The following PCDHGA8 variants were observed in gnomAD, a reference collection of about 807,000 sequenced individuals.
PCDHGA8 encodes protocadherin gamma-A8.
PCDHGA8 carries 45 observed loss-of-function variants against 59.2 expected under a neutral mutation model. The ratio of observed to expected loss-of-function variants is 0.76; its 90% CI spans 0.60 to 0.98. The LOEUF (loss-of-function observed/expected upper bound fraction) is 0.98. Among genes scored for constraint, PCDHGA8 ranks in the 50% least tolerant of loss-of-function variants. The probability of loss-of-function intolerance (pLI) is 0.00; values close to 1 mark genes in which losing one functional copy is unlikely to be tolerated. For synonymous variants in PCDHGA8, 531 were observed against 519.0 expected (o/e 1.02, Z -0.32); for missense variants, 1,257 against 1,196.2 (o/e 1.05, Z -0.75).
chr5:141,437,715 C>T (rs2097903335), intron 1 of PCDHGA8, among the ~76,000 whole-genome samples: 1 of 151,772 alleles, frequency 6.6e-6, no homozygotes, highest in Non-Finnish European at 1.5e-5. Context: ...ACACAGTTAC[C>T]CTCTAATGTT....
At position 141,491,828 on chromosome 5, in the gene PCDHGA8, G is replaced by C. The variant is rs1389234164; in HGVS notation, c.2425-2979G>C. ...CTTGGTCGCTGGCTGCGCTCCACCC[G>C]ATTCTCGGGATCATTGGACCGTTTG... On this transcript the variant is annotated intron_variant, in intron 1 of 3. Coordinates refer to ENST00000398604, the MANE Select transcript of PCDHGA8 (RefSeq NM_032088.2). The surrounding 1 kb of genome is among the most constrained non-coding windows in gnomAD (Gnocchi z 6.9). 4.1e-6 allele frequency: 6 copies of C among 1,475,668 alleles called. No homozygotes were observed. The highest frequency in any genetic ancestry group is 5.4e-6 in the Non-Finnish European group (6 of 1,113,522). 91.4% of individuals were successfully genotyped at this position (1,475,668 alleles called of 1,614,324 possible).
intron 1 of PCDHGA8, chr5:141,408,159 C>T (rs1408291996): frequency 3.9e-5 from 59 of 1,516,228 alleles, no homozygotes; most frequent in Non-Finnish European, 5.2e-5. Context: ...AGTGCACTTT[C>T]TCCAACTGGA....
intron 1 of PCDHGA8, among the ~76,000 whole-genome samples, chr5:141,473,990 G>A (rs988540565): frequency 2.0e-5 from 3 of 152,130 alleles, no homozygotes; most frequent in African/African-American, 7.2e-5. Flanking sequence ...GATCCCTTGA[G>A]CCCAAGGAGC....
intron 1 of PCDHGA8, chr5:141,478,272 A>G: frequency 6.2e-7 from 1 of 1,614,160 alleles, no homozygotes; most frequent in Non-Finnish European, 8.5e-7. Context: ...AAAGTTTACA[A>G]GTGGAAGCAG....
intron 1 of PCDHGA8, among the ~76,000 whole-genome samples, chr5:141,492,095 CT>C (rs1047956109): frequency 6.6e-6 from 1 of 152,232 alleles, no homozygotes; most frequent in African/African-American, 2.4e-5. Context: ...CTTCGCCGGT[CT>C]GTAGATTTCC....
At chr5:141,465,856 C>T (rs1442431032) in intron 1 of PCDHGA8, among the ~76,000 whole-genome samples, 1 of 152,184 alleles carries the variant, frequency 6.6e-6, no homozygotes, top group East Asian at 1.9e-4. Context: ...GGCCCAGTGG[C>T]TCATGCCTGT....
rs115565444 is a variant in PCDHGA8 at position 141,487,520 on chromosome 5, G to C, written c.2425-7287G>C. 1 of 1,614,166 alleles carries C rather than the reference G, an allele frequency of 6.2e-7. No individual in the cohort carries two copies. Among genetic ancestry groups the C allele is most frequent in the Non-Finnish European group, 8.5e-7 (1 of 1,180,042 alleles). ...CTTGGCTTCTGCACCCACTCGGAGT[G>C]ATAGCTTCATGATGGTGAAGTCACC... On this transcript the variant is annotated intron_variant, in intron 1 of 3. Coordinates refer to ENST00000398604, the MANE Select transcript of PCDHGA8 (RefSeq NM_032088.2). The surrounding 1 kb of genome is among the most constrained non-coding windows in gnomAD (Gnocchi z 5.0).
chr5:141,420,519 A>G (rs1056198647), intron 1 of PCDHGA8: 1 of 387,066 alleles, frequency 2.6e-6, no homozygotes, highest in African/African-American at 2.1e-5. Flanking sequence ...GAAGTAAAAT[A>G]CCTTTCGGTT....
chr5:141,427,751 C>T (rs778043340), intron 1 of PCDHGA8: 1 of 1,306,072 alleles, frequency 7.7e-7, no homozygotes, highest in South Asian at 1.2e-5. Flanking sequence ...CCTACTCCAT[C>T]GTTACCACTG....
rs749817501 is a variant in PCDHGA8 at position 141,423,756 on chromosome 5, G to GT, written c.2424+28519_2424+28520insT. ...GCCTGTTATGAAAACTGTTTGGGGGGGGGGTGGGGCGGCATATATTTAGTT... is the reference window on the plus strand; with the variant it reads ...GCCTGTTATGAAAACTGTTTGGGGGGTGGGGTGGGGCGGCATATATTTAGTT... On this transcript the variant is annotated intron_variant, in intron 1 of 3. Transcript: ENST00000398604. 9 of 448,538 alleles carry GT rather than the reference G, an allele frequency of 2.0e-5. 1 individual carries two copies. Among genetic ancestry groups the GT allele is most frequent in the African/African-American group, 2.8e-5 (1 of 35,670 alleles). 27.8% of individuals were successfully genotyped at this position (448,538 alleles called of 1,614,324 possible).
chr5:141,434,481 A>G (rs2097697198), intron 1 of PCDHGA8, among the ~76,000 whole-genome samples: 1 of 152,246 alleles, frequency 6.6e-6, no homozygotes, highest in Non-Finnish European at 1.5e-5. Context: ...GGCAAGGAAC[A>G]CCTGGCCCGC....
chr5:141,416,053 A>T (rs2095987443), intron 1 of PCDHGA8: 1 of 181,266 alleles, frequency 5.5e-6, no homozygotes, highest in South Asian at 1.8e-4. Flanking sequence ...CACAACCCAA[A>T]TCCAAGAATA....
Position 141,404,830 on chromosome 5 carries a change from G to A in PCDHGA8, c.2424+9593G>A, listed in dbSNP as rs775106144. The A allele has an allele frequency of 3.7e-6, 6 of 1,613,932 alleles. No individual in the cohort carries two copies. In the East Asian group the frequency reaches 1.3e-4, roughly 36 times the overall value. ...CGGTGGGGCTGCACACAGGTGAAGT[G>A]CGCACAGCTCGGGCCCTGCTAGATA... On this transcript the variant is annotated intron_variant, in intron 1 of 3. Coordinates refer to ENST00000398604, the MANE Select transcript of PCDHGA8 (RefSeq NM_032088.2).
intron 1 of PCDHGA8, chr5:141,430,922 G>A: frequency 1.2e-6 from 2 of 1,607,168 alleles, no homozygotes; most frequent in South Asian, 2.2e-5. Context: ...CCTGGGGCTG[G>A]AGCCCCGGGA....
chr5:141,409,023 A>G, intron 1 of PCDHGA8: 4 of 1,614,044 alleles, frequency 2.5e-6, no homozygotes, highest in Non-Finnish European at 3.4e-6. Flanking sequence ...GAGGGGGTCA[A>G]TGCTGAGATA....
At chr5:141,469,415 A>C (rs2099200751) in intron 1 of PCDHGA8, among the ~76,000 whole-genome samples, 1 of 152,116 alleles carries the variant, frequency 6.6e-6, no homozygotes, top group Admixed American at 6.5e-5. Flanking sequence ...TTTCTACTAA[A>C]AATATAAAAC....
chr5:141,419,138 A>G (rs1590146439), intron 1 of PCDHGA8: 1 of 1,613,920 alleles, frequency 6.2e-7, no homozygotes, highest in Non-Finnish European at 8.5e-7. Flanking sequence ...AGCCACAGAC[A>G]GGGGCAAGCC....
intron 1 of PCDHGA8, among the ~76,000 whole-genome samples, chr5:141,466,627 C>G (rs1448245449): frequency 6.6e-6 from 1 of 152,154 alleles, no homozygotes; most frequent in African/African-American, 2.4e-5. Flanking sequence ...TTCTTTGGAG[C>G]ATTGTCTCCA....
chr5:141,427,871 G>A (rs762885351), intron 1 of PCDHGA8: 1 of 1,559,530 alleles, frequency 6.4e-7, no homozygotes, highest in South Asian at 1.1e-5. Flanking sequence ...TCGAGCTCAC[G>A]ATGCAGGCCC....
Sources: gnomAD v4.1 joint callset for allele counts (sites outside exome capture counted in the v4.1 genomes callset) on GRCh38, gnomAD v4.1.1 for gene constraint, Gnocchi (gnomAD v3.1) non-coding constraint, MANE v1.5 for transcripts, NCBI Gene and HGNC (gene_info 2026-07-23, HGNC 2026-07-21) for gene names.